WNK1: variants seen among roughly 807,000 people sequenced by gnomAD.
WNK1 encodes the protein serine/threonine-protein kinase WNK1.
WNK1 carries 38 observed loss-of-function variants against 222.8 expected under a neutral mutation model. That is an observed-to-expected ratio of 0.17 (90% CI 0.13 to 0.22). The LOEUF is 0.22. Among genes scored for constraint, WNK1 ranks in the 10% least tolerant of loss-of-function variants. WNK1 has a pLI of 1.00. For missense variants in WNK1, 2,348 were observed against 2,918.4 expected (o/e 0.80, Z 4.50); for synonymous variants, 1,090 against 1,092.9 (o/e 1.00, Z 0.05).
rs1375194541 is a variant in WNK1 at position 758,185 on chromosome 12, A to G, written c.759+3861A>G. On this transcript the variant is annotated intron_variant, in intron 1 of 27. Coordinates refer to ENST00000315939, the MANE Select transcript of WNK1 (RefSeq NM_018979.4). Reference sequence around the variant, plus strand: ...TGAGATTGTTTCCACATCTACCTGAAAAGAGAGGTTAAATCATATTTTTGT... The same window carrying G: ...TGAGATTGTTTCCACATCTACCTGAGAAGAGAGGTTAAATCATATTTTTGT... Among the ~76,000 whole-genome samples, 11 of 146,434 alleles carry G rather than the reference A, an allele frequency of 7.5e-5. 1 individual carries two copies. The highest frequency in any genetic ancestry group is 3.0e-5 in the Non-Finnish European group (2 of 65,780).
chr12:762,130 G>A (rs1941107740), intron 1 of WNK1, among the ~76,000 whole-genome samples: 1 of 144,446 alleles, frequency 6.9e-6, no homozygotes, highest in South Asian at 2.3e-4. Context: ...CACAATCTCA[G>A]CTCACTGCTA....
intron 1 of WNK1, among the ~76,000 whole-genome samples, chr12:807,362 G>A (rs1946463510): frequency 6.7e-6 from 1 of 148,702 alleles, no homozygotes; most frequent in South Asian, 2.1e-4. Context: ...TTAAGTGAAA[G>A]CCACATCAGG....
chr12:862,299 C>G, intron 8 of WNK1, 29 bp downstream of exon 8: 1 of 1,609,518 alleles, frequency 6.2e-7, no homozygotes, highest in Non-Finnish European at 8.5e-7. Flanking sequence ...GCATGTAATA[C>G]TACAATGAGA....
rs545433061 is a variant in WNK1 at position 773,475 on chromosome 12, GT to G, written c.759+19158del. On this transcript the variant is annotated intron_variant, in intron 1 of 27. Coordinates refer to ENST00000315939, the MANE Select transcript of WNK1 (RefSeq NM_018979.4). ...TTTAAAAGGAACTACTTCCCAATCA[GT>G]TTTTTTCCCATCATAGAAGTAATGT... Among the ~76,000 whole-genome samples, 57 of 152,106 alleles carry G rather than the reference GT, an allele frequency of 3.7e-4. 2 individuals are homozygous for G. Among genetic ancestry groups the G allele is most frequent in the Admixed American group, 3.7e-3 (57 of 15,270 alleles).
At chr12:777,435 G>C (rs1170666461) in intron 1 of WNK1, among the ~76,000 whole-genome samples, 1 of 152,144 alleles carries the variant, frequency 6.6e-6, no homozygotes, top group African/African-American at 2.4e-5. Context: ...TGGGATTACA[G>C]GTGTGAGCCA....
rs183261281 is a variant in WNK1, at chr12:898,971, C to A, written c.6448+1290C>A. On this transcript the variant is annotated intron_variant, in intron 25 of 27. Coordinates refer to ENST00000315939, the MANE Select transcript of WNK1 (RefSeq NM_018979.4). ...GGCCAGGCTGGTCTCAAACTCCTGG[C>A]TCAGGTGATCCACCCACCTTGGCCT... Among the ~76,000 whole-genome samples, 6 of 152,266 alleles carry A rather than the reference C, an allele frequency of 3.9e-5. No homozygotes were observed. The East Asian group carries it at 1.2e-3, about 29-fold the overall frequency.
Position 888,173 on chromosome 12 carries a change from T to C in WNK1, c.5364+869T>C, listed in dbSNP as rs527307804. Among the ~76,000 whole-genome samples, 17 of 152,322 alleles carry C rather than the reference T, an allele frequency of 1.1e-4. No homozygotes were observed. In the South Asian group the frequency reaches 3.1e-3, roughly 28 times the overall value. ...TATATAAGAAATAAGAAAAACATGG[T>C]AAATTGCTTACTTGAGAAGCTGAGT... On this transcript the variant is annotated intron_variant, in intron 20 of 27. Transcript: ENST00000315939.
At chr12:841,006 T>A (rs1949587616) in intron 4 of WNK1, among the ~76,000 whole-genome samples, 1 of 152,258 alleles carries the variant, frequency 6.6e-6, no homozygotes. Flanking sequence ...TAACAGAACC[T>A]GGAAAGACTG....
intron 5 of WNK1, 55 bp downstream of exon 5, chr12:857,304 T>G (rs1189269382): frequency 2.8e-6 from 4 of 1,433,222 alleles, no homozygotes. Flanking sequence ...AAAAGTAATG[T>G]GCTTTGAGTA....
intron 2 of WNK1, among the ~76,000 whole-genome samples, chr12:821,358 GT>G (rs997504070): frequency 1.3e-5 from 2 of 152,134 alleles, no homozygotes; most frequent in African/African-American, 4.8e-5. Flanking sequence ...TTTAGAAAGT[GT>G]TTCCTCCACT....
chr12:806,099 T>C (rs1404197075), intron 1 of WNK1, among the ~76,000 whole-genome samples: 2 of 152,214 alleles, frequency 1.3e-5, no homozygotes, highest in Non-Finnish European at 2.9e-5. Flanking sequence ...AATAATGTTC[T>C]TAATTTGTGT....
chr12:797,522 G>A (rs1945426647), intron 1 of WNK1, among the ~76,000 whole-genome samples: 2 of 152,082 alleles, frequency 1.3e-5, no homozygotes, highest in South Asian at 4.1e-4. Flanking sequence ...CAAATTATCG[G>A]CGTTCAGTTG....
intron 1 of WNK1, among the ~76,000 whole-genome samples, chr12:773,734 A>G (rs1237901885): frequency 1.3e-5 from 2 of 152,182 alleles, no homozygotes; most frequent in Non-Finnish European, 2.9e-5. Flanking sequence ...CTTATGTTTC[A>G]GTGGGATCAT....
rs191609079 is a variant in WNK1, at chr12:909,092, C to G, written c.*300C>G. On this transcript the variant is annotated 3_prime_UTR_variant, in exon 28 of 28. Transcript: ENST00000315939. ...GGATGAGGGCTAGGAAAGTCTTGTT[C>G]ATAAGGAAGCTGGAGAACTCAATGT... 2.5e-4 allele frequency: 94 copies of G among 380,334 alleles called. No individual in the cohort carries two copies. Among genetic ancestry groups the G allele is most frequent in the Non-Finnish European group, 8.8e-5 (18 of 203,904 alleles). 23.6% of individuals were successfully genotyped at this position (380,334 alleles called of 1,614,324 possible).
intron 1 of WNK1, among the ~76,000 whole-genome samples, chr12:801,451 G>A (rs1275648306): frequency 6.6e-6 from 1 of 151,626 alleles, no homozygotes; most frequent in Non-Finnish European, 1.5e-5. Context: ...GTGTGTGTGT[G>A]TGTGTGTGTG....
chr12:766,379 G>A (rs1443941018), intron 1 of WNK1, among the ~76,000 whole-genome samples: 1 of 152,204 alleles, frequency 6.6e-6, no homozygotes, highest in Non-Finnish European at 1.5e-5. Context: ...GGATAGATGA[G>A]CTGGAAAAGG....
intron 1 of WNK1, among the ~76,000 whole-genome samples, chr12:800,154 T>A (rs1002719272): frequency 6.6e-6 from 1 of 151,884 alleles, no homozygotes; most frequent in Admixed American, 6.6e-5. Context: ...AAAAAAAAAT[T>A]TTTTTTAAAC....
chr12:894,488 A>G, intron 22 of WNK1, 74 bp from the exon 23 acceptor site: 1 of 1,311,042 alleles, frequency 7.6e-7, no homozygotes, highest in East Asian at 2.3e-5. Context: ...ATTTTGCTGT[A>G]TTTCTAGCTA....
intron 4 of WNK1, chr12:851,451 A>C (rs1950414325): frequency 1.8e-6 from 2 of 1,142,000 alleles, no homozygotes; most frequent in Non-Finnish European, 2.2e-6. Flanking sequence ...AGCAGAAGGA[A>C]TATTAACAGA....
Sources: allele counts gnomAD v4.1 joint callset (sites outside exome capture counted in the v4.1 genomes callset), GRCh38; gene constraint gnomAD v4.1.1; transcripts MANE v1.5; gene names NCBI Gene and HGNC (gene_info 2026-07-23, HGNC 2026-07-21).